The following ADARB2 variants were observed in gnomAD, a reference collection of about 807,000 sequenced individuals.
ADARB2 encodes the protein inactive double-stranded RNA-specific editase B2.
ADARB2 carries 25 observed loss-of-function variants against 62.2 expected under a neutral mutation model. The observed-to-expected ratio is 0.40, with a 90% CI of 0.29 to 0.56. The LOEUF (loss-of-function observed/expected upper bound fraction) is 0.56. ADARB2 is among the 20% of genes least tolerant of loss of function. The pLI, the probability that ADARB2 is intolerant of heterozygous loss-of-function variation, is 0.43. For synonymous variants in ADARB2, 572 were observed against 500.8 expected, an observed-to-expected ratio of 1.14 and a Z score of -1.90; for missense variants, 1,071 against 1,077.4, an observed-to-expected ratio of 0.99 and a Z score of 0.08.
At chr10:1,505,353 T>TG (rs1221252074) in intron 1 of ADARB2, among the ~76,000 whole-genome samples, 1 of 151,370 alleles carries the variant, frequency 6.6e-6, no homozygotes, top group Non-Finnish European at 1.5e-5. Flanking sequence ...AGAGGGAAGA[T>TG]GGCACCTGCA....
At position 1,380,169 on chromosome 10, in the gene ADARB2, C is replaced by T. The variant is rs147714337; in HGVS notation, c.101-1009G>A. On this transcript the variant is annotated intron_variant, in intron 1 of 9. Transcript: ENST00000381312. ...CCTGGCTCCCAGACATCCTCCAGCC[C>T]GCACGGTTCACATGTGCCATTATGA... 7.0e-4 allele frequency among the ~76,000 whole-genome samples: 106 copies of T among 152,314 alleles called. 1 individual carries two copies. The highest frequency in any genetic ancestry group is 1.1e-3 in the Non-Finnish European group (76 of 68,022).
intron 2 of ADARB2, among the ~76,000 whole-genome samples, chr10:1,370,324 T>C (rs541052104): frequency 6.6e-6 from 1 of 152,326 alleles, no homozygotes; most frequent in Admixed American, 6.5e-5. Context: ...AAGCCATCTA[T>C]GACAAACCCA....
chr10:1,395,743 A>C (rs1832607343), intron 1 of ADARB2, among the ~76,000 whole-genome samples: 3 of 152,178 alleles, frequency 2.0e-5, no homozygotes, highest in Non-Finnish European at 4.4e-5. Context: ...CCAATGAGAC[A>C]AGGACCGGGA....
At chr10:1,510,174 C>CTTTCTTTTTT (rs1831918639) in intron 1 of ADARB2, among the ~76,000 whole-genome samples, 1 of 80,572 alleles carries the variant, frequency 1.2e-5, no homozygotes. Context: ...CTTTCTTTTT[C>CTTTCTTTTTT]TTTCTTTCTT....
At chr10:1,405,963 C>A (rs545181747) in intron 1 of ADARB2, among the ~76,000 whole-genome samples, 3 of 152,060 alleles carry the variant, frequency 2.0e-5, no homozygotes, top group Non-Finnish European at 4.4e-5. Context: ...GTTTATTAAA[C>A]CCTTCTCCAA....
intron 2 of ADARB2, among the ~76,000 whole-genome samples, chr10:1,368,868 T>TGTGGTCCC (rs1186629572): frequency 4.1e-5 from 6 of 144,850 alleles, no homozygotes; most frequent in Admixed American, 2.7e-4. Context: ...GAGCTCGCCC[T>TGTGGTCCC]GTGGCAGTCG....
chr10:1,686,159 C>T (rs998204990), intron 1 of ADARB2, among the ~76,000 whole-genome samples: 1 of 152,202 alleles, frequency 6.6e-6, no homozygotes, highest in Non-Finnish European at 1.5e-5. Flanking sequence ...AAACAGAAAC[C>T]CATGGAGGCT....
intron 7 of ADARB2, among the ~76,000 whole-genome samples, chr10:1,213,840 C>T (rs922209419): frequency 3.3e-5 from 5 of 152,196 alleles, no homozygotes; most frequent in South Asian, 4.1e-4. Flanking sequence ...GACCTGCCAG[C>T]GTTGTGTGGG....
intron 1 of ADARB2, among the ~76,000 whole-genome samples, chr10:1,406,526 C>T (rs368331617): frequency 6.3e-4 from 96 of 152,144 alleles, no homozygotes; most frequent in Non-Finnish European, 1.2e-3. Context: ...GACCACTGGT[C>T]GCTAGAAATA....
At chr10:1,608,768 GAGAA>G (rs1423768477) in intron 1 of ADARB2, among the ~76,000 whole-genome samples, 11 of 124,084 alleles carry the variant, frequency 8.9e-5, no homozygotes, top group Admixed American at 8.8e-4. Flanking sequence ...AGGAAAGAAA[GAGAA>G]AGAGAAAGAA....
At chr10:1,525,496 G>A (rs555642910) in intron 1 of ADARB2, among the ~76,000 whole-genome samples, 23 of 152,044 alleles carry the variant, frequency 1.5e-4, no homozygotes, top group African/African-American at 4.6e-4. Flanking sequence ...CGCCTCAGCC[G>A]TGCAGTTCTG....
At chr10:1,280,088 C>A (rs953346437) in intron 3 of ADARB2, among the ~76,000 whole-genome samples, 3 of 152,146 alleles carry the variant, frequency 2.0e-5, no homozygotes. Context: ...CTTGTTGGCT[C>A]AGAGTGAGTG....
At chr10:1,221,277 C>T (rs1830692808) in intron 6 of ADARB2, among the ~76,000 whole-genome samples, 1 of 152,136 alleles carries the variant, frequency 6.6e-6, no homozygotes, top group Non-Finnish European at 1.5e-5. Context: ...TGGTCCAATT[C>T]TGACAGTCCA....
chr10:1,592,314 A>C (rs1833268077), intron 1 of ADARB2, among the ~76,000 whole-genome samples: 1 of 150,890 alleles, frequency 6.6e-6, no homozygotes, highest in Non-Finnish European at 1.5e-5. Context: ...TCTGTCACCC[A>C]GCTTCCCTCG....
chr10:1,375,415 G>A (rs1483305337), intron 2 of ADARB2, among the ~76,000 whole-genome samples: 1 of 152,186 alleles, frequency 6.6e-6, no homozygotes, highest in African/African-American at 2.4e-5. Flanking sequence ...CGGCTCCCAG[G>A]CCCACTTCCC....
In ADARB2 at chr10:1,327,741, A is replaced by T. The variant is rs1418353241; in HGVS notation, c.1077+35287T>A. Among the ~76,000 whole-genome samples, 9 of 57,434 alleles carry T rather than the reference A, an allele frequency of 1.6e-4. 2 individuals are homozygous for T. The highest frequency in any genetic ancestry group is 6.2e-4 in the African/African-American group (9 of 14,432). 37.7% of individuals were successfully genotyped at this position (57,434 alleles called of 152,430 possible). On this transcript the variant is annotated intron_variant, in intron 3 of 9. Coordinates refer to ENST00000381312, the MANE Select transcript of ADARB2 (RefSeq NM_018702.4). ...CACAGTTCAGCACCTCCCACGGCACAGCGCCTCACTGCACAGCGCCTCCTC... is the reference window on the plus strand; with the variant it reads ...CACAGTTCAGCACCTCCCACGGCACTGCGCCTCACTGCACAGCGCCTCCTC...
At chr10:1,348,292 G>A (rs1326338985) in intron 3 of ADARB2, among the ~76,000 whole-genome samples, 1 of 152,214 alleles carries the variant, frequency 6.6e-6, no homozygotes, top group Non-Finnish European at 1.5e-5. Flanking sequence ...CTCGTGGAAA[G>A]CTGATTCAGG....
intron 1 of ADARB2, among the ~76,000 whole-genome samples, chr10:1,591,713 G>A (rs111234940): frequency 3.3e-5 from 5 of 151,884 alleles, no homozygotes; most frequent in African/African-American, 4.8e-5. Context: ...ACCTGCCGCC[G>A]TCTTGTTGGA....
At chr10:1,191,484 C>T (rs769356709) in intron 8 of ADARB2, among the ~76,000 whole-genome samples, 5 of 152,076 alleles carry the variant, frequency 3.3e-5, no homozygotes, top group African/African-American at 4.8e-5. Context: ...TCGGGCCCCA[C>T]GTTTTTTTAG....
Sources: allele counts gnomAD v4.1 joint callset (sites outside exome capture counted in the v4.1 genomes callset), GRCh38; gene constraint gnomAD v4.1.1; transcripts MANE v1.5; gene names NCBI Gene and HGNC (gene_info 2026-07-23, HGNC 2026-07-21).